The following FGF14 variants were observed in gnomAD, a reference collection of about 807,000 sequenced individuals.
The protein encoded by FGF14 is fibroblast growth factor 14, also known as fibroblast growth factor homologous factor 4.
Under a neutral mutation model 25.5 loss-of-function variants are expected in FGF14, and 5 were observed. That is an observed-to-expected ratio of 0.20 (90% CI 0.10 to 0.41). The LOEUF is 0.41. Ranked by LOEUF, FGF14 falls within the 10% of genes least tolerant of loss-of-function variation. The probability of loss-of-function intolerance (pLI) is 1.00; values close to 1 mark genes in which losing one functional copy is unlikely to be tolerated. For synonymous variants in FGF14, 138 were observed against 118.3 expected (o/e 1.17, Z -1.08); for missense variants, 222 against 320.1 (o/e 0.69, Z 2.34).
At chr13:101,889,432 T>C (rs941239148) in intron 1 of FGF14, among the ~76,000 whole-genome samples, 5 of 152,294 alleles carry the variant, frequency 3.3e-5, no homozygotes, top group Admixed American at 2.6e-4. Context: ...AACATTTAAG[T>C]ACTATGATAT....
chr13:101,984,222 T>A (rs768427708), intron 1 of FGF14, among the ~76,000 whole-genome samples: 51 of 152,142 alleles, frequency 3.4e-4, no homozygotes, highest in Non-Finnish European at 6.5e-4. Context: ...AATCCCAAGA[T>A]TGGCATTGTG....
intron 3 of FGF14, among the ~76,000 whole-genome samples, chr13:101,734,022 G>A (rs923635969): frequency 1.3e-5 from 2 of 151,060 alleles, no homozygotes; most frequent in African/African-American, 4.9e-5. Context: ...GGAGATGTCT[G>A]TGTGTGTGTG....
intron 1 of FGF14, among the ~76,000 whole-genome samples, chr13:102,201,365 A>G (rs1360305843): frequency 6.6e-6 from 1 of 152,154 alleles, no homozygotes; most frequent in Non-Finnish European, 1.5e-5. Context: ...GTGAACATGT[A>G]GAGTTCACAG....
At chr13:102,169,229 C>T (rs1379802805) in intron 1 of FGF14, among the ~76,000 whole-genome samples, 1 of 151,960 alleles carries the variant, frequency 6.6e-6, no homozygotes, top group East Asian at 1.9e-4. Context: ...GCCCTTTGGC[C>T]TTACTTGTGC....
chr13:102,374,644 TTATATATA>T (rs55670716), intron 1 of FGF14, among the ~76,000 whole-genome samples: 3,258 of 48,654 alleles, frequency 0.067, 92 homozygotes, highest in Non-Finnish European at 0.081. Context: ...CTTACATATT[TTATATATA>T]TATATATATA....
At chr13:101,812,645 ATATATATATTTTTTTTTTTTTTTT>A (rs1318628328) in intron 3 of FGF14, among the ~76,000 whole-genome samples, 1 of 9,776 alleles carries the variant, frequency 1.0e-4, no homozygotes, top group Non-Finnish European at 2.0e-4. Flanking sequence ...ATATATATAT[ATATATATATTTTTTTTTTTTTTTT>A]TTTTTTTTTT....
At chr13:102,224,716 A>C (rs1428127117) in intron 1 of FGF14, among the ~76,000 whole-genome samples, 1 of 152,210 alleles carries the variant, frequency 6.6e-6, no homozygotes, top group African/African-American at 2.4e-5. Context: ...AAACTATACT[A>C]CATAATGTAT....
chr13:102,266,261 GTTTTCCCATTAAAAC>G (rs1272652117), intron 1 of FGF14, among the ~76,000 whole-genome samples: 1 of 152,058 alleles, frequency 6.6e-6, no homozygotes, highest in African/African-American at 2.4e-5. Flanking sequence ...TTTTGTTTTT[GTTTTCCCATTAAAAC>G]TCCTGACACC....
chr13:101,825,809 G>A (rs1055502105), intron 3 of FGF14, among the ~76,000 whole-genome samples: 3 of 152,126 alleles, frequency 2.0e-5, no homozygotes, highest in Non-Finnish European at 4.4e-5. Flanking sequence ...CTTAACTTGA[G>A]ACAGTTCCAC....
rs535403074 is a variant in FGF14 at position 102,379,632 on chromosome 13, T to C, written c.208+21839A>G. On this transcript the variant is annotated intron_variant, in intron 1 of 4. Coordinates refer to the FGF14 transcript ENST00000376131. ...TGTTTCTGAATGTAACACGTGCATA[T>C]AGATTAAGGCAAAAGAACACCTACA... Among the ~76,000 whole-genome samples, 64 of 152,142 alleles carry C rather than the reference T, an allele frequency of 4.2e-4. 2 individuals are homozygous for C. In the South Asian group the frequency reaches 0.013, roughly 30 times the overall value.
intron 1 of FGF14, among the ~76,000 whole-genome samples, chr13:102,136,472 C>A (rs1268085247): frequency 6.6e-6 from 1 of 152,088 alleles, no homozygotes; most frequent in Admixed American, 6.6e-5. Context: ...AACAAATCAA[C>A]AGAAAATAAT....
intron 1 of FGF14, among the ~76,000 whole-genome samples, chr13:102,255,734 T>C (rs189733851): frequency 3.3e-5 from 5 of 152,350 alleles, no homozygotes; most frequent in Admixed American, 6.5e-5. Context: ...AAGACACTTA[T>C]GCTGGCAGAA....
chr13:101,917,249 T>C (rs759255503), upstream of FGF14, among the ~76,000 whole-genome samples: 1 of 152,056 alleles, frequency 6.6e-6, no homozygotes, highest in African/African-American at 2.4e-5. Context: ...GAGAGACCAA[T>C]CTTCTCCCCT....
chr13:102,122,023 A>G (rs1416482448), intron 1 of FGF14, among the ~76,000 whole-genome samples: 3 of 152,226 alleles, frequency 2.0e-5, no homozygotes, highest in Non-Finnish European at 4.4e-5. Flanking sequence ...GAAACCATCA[A>G]TGATTGAAAT....
intron 3 of FGF14, among the ~76,000 whole-genome samples, chr13:101,771,865 T>C (rs1489006818): frequency 6.6e-6 from 1 of 152,046 alleles, no homozygotes; most frequent in Non-Finnish European, 1.5e-5. Flanking sequence ...CTCTTAAATT[T>C]GAGAGTTTAG....
At chr13:101,927,992 TC>T (rs1285533657) in intron 1 of FGF14, among the ~76,000 whole-genome samples, 1 of 152,110 alleles carries the variant, frequency 6.6e-6, no homozygotes, top group East Asian at 1.9e-4. Flanking sequence ...CCCTCTTTCA[TC>T]CCCGGTGACA....
intron 1 of FGF14, among the ~76,000 whole-genome samples, chr13:102,317,089 G>A (rs1015562057): frequency 6.6e-6 from 1 of 152,004 alleles, no homozygotes; most frequent in African/African-American, 2.4e-5. Flanking sequence ...GACAGGCACC[G>A]ATGTCAGTAT....
At chr13:102,245,767 A>G (rs1409847219) in intron 1 of FGF14, among the ~76,000 whole-genome samples, 2 of 152,096 alleles carry the variant, frequency 1.3e-5, no homozygotes, top group African/African-American at 2.4e-5. Context: ...CCCTCAAAAA[A>G]CAGTTATGAG....
intron 1 of FGF14, among the ~76,000 whole-genome samples, chr13:102,107,977 T>C (rs1018470043): frequency 6.6e-6 from 1 of 152,228 alleles, no homozygotes; most frequent in Non-Finnish European, 1.5e-5. Context: ...AATATTCTCA[T>C]GGTTCTAATG....
Sources: gnomAD v4.1 joint callset for allele counts (sites outside exome capture counted in the v4.1 genomes callset) on GRCh38, gnomAD v4.1.1 for gene constraint, MANE v1.5 for transcripts, NCBI Gene and HGNC (gene_info 2026-07-23, HGNC 2026-07-21) for gene names.